The following ADGB variants were observed in gnomAD, a reference collection of about 807,000 sequenced individuals.
The protein encoded by ADGB is calpain-7-like protein.
In ADGB, 172 loss-of-function variants were observed where a neutral mutation model predicts 210.5. That is an observed-to-expected ratio of 0.82 (90% CI 0.72 to 0.93). The LOEUF (loss-of-function observed/expected upper bound fraction) is 0.93. ADGB is among the 40% of genes least tolerant of loss of function. The pLI, the probability that ADGB is intolerant of heterozygous loss-of-function variation, is 0.00. For missense variants in ADGB, 2,025 were observed against 1,964.8 expected, an observed-to-expected ratio of 1.03 and a Z score of -0.58; for synonymous variants, 658 against 662.7, an observed-to-expected ratio of 0.99 and a Z score of 0.11.
At chr6:146,733,753 A>C in intron 21 of ADGB, 140 bp from the exon 22 acceptor site, 1 of 907,702 alleles carries the variant, frequency 1.1e-6, no homozygotes, top group Non-Finnish European at 1.7e-6. Flanking sequence ...AACCACCTAG[A>C]GCCGGCAATA....
intron 1 of ADGB, among the ~76,000 whole-genome samples, chr6:146,614,512 C>A (rs1427081412): frequency 6.6e-6 from 1 of 152,142 alleles, no homozygotes; most frequent in Non-Finnish European, 1.5e-5. Flanking sequence ...TAAACGGAAT[C>A]AAACCCATGT....
At chr6:146,715,672 C>T (rs919640997) in intron 14 of ADGB, among the ~76,000 whole-genome samples, 3 of 152,090 alleles carry the variant, frequency 2.0e-5, no homozygotes, top group Non-Finnish European at 4.4e-5. Flanking sequence ...ACCCTGTGAT[C>T]GAAACACTAA....
chr6:146,657,720 C>A (rs1027233262), intron 5 of ADGB, among the ~76,000 whole-genome samples: 1 of 152,168 alleles, frequency 6.6e-6, no homozygotes, highest in African/African-American at 2.4e-5. Context: ...GCCCATGGTC[C>A]AGTCCTCTTC....
chr6:146,752,460 C>T (rs1777337003), intron 26 of ADGB, 70 bp from the exon 27 acceptor site: 2 of 1,381,510 alleles, frequency 1.4e-6, no homozygotes, highest in Non-Finnish European at 1.9e-6. Context: ...TATATCCAAA[C>T]TATCTCACTT....
intron 1 of ADGB, among the ~76,000 whole-genome samples, chr6:146,609,590 T>C (rs780521821): frequency 2.4e-4 from 37 of 152,316 alleles, no homozygotes; most frequent in South Asian, 4.1e-4. Flanking sequence ...CAACAGTCTT[T>C]CATTTCCATA....
chr6:146,643,724 T>C (rs1386617156), intron 2 of ADGB, among the ~76,000 whole-genome samples: 2 of 151,912 alleles, frequency 1.3e-5, no homozygotes, highest in African/African-American at 2.4e-5. Context: ...CACAGCAGCT[T>C]TATTGGTAAT....
Position 146,741,200 on chromosome 6 carries a change from A to G in ADGB, c.3106A>G (p.Asn1036Asp). 6.4e-7 allele frequency: 1 copy of G among 1,550,930 alleles called. No homozygotes were observed. Among genetic ancestry groups the G allele is most frequent in the South Asian group, 1.2e-5 (1 of 84,030 alleles). The change falls in exon 25 of 36, where the codon AAT becomes GAT. Residue 1036 changes from asparagine (N) to aspartate (D), a missense_variant. By Grantham distance (23) the Asn-to-Asp change is conservative. Coordinates refer to ENST00000397944, the MANE Select transcript of ADGB (RefSeq NM_024694.4). ...TLPICILHIV[N>D]NDTMEQVPKV... Reference sequence around the variant, plus strand: ...TCCAATCTGTATCCTACACATTGTTAATAATGACACAATGGAGCAAGTGCC... The same window carrying G: ...TCCAATCTGTATCCTACACATTGTTGATAATGACACAATGGAGCAAGTGCC...
At chr6:146,681,387 G>A (rs1018195647) in intron 9 of ADGB, among the ~76,000 whole-genome samples, 1 of 152,220 alleles carries the variant, frequency 6.6e-6, no homozygotes, top group African/African-American at 2.4e-5. Flanking sequence ...ACCAGATCTA[G>A]GCTTCCTGTA....
At chr6:146,601,891 A>G (rs916389426) in intron 1 of ADGB, among the ~76,000 whole-genome samples, 19 of 152,192 alleles carry the variant, frequency 1.2e-4, no homozygotes, top group African/African-American at 4.3e-4. Context: ...TTTGTTATCC[A>G]CCTTGGTTTT....
chr6:146,684,882 A>G (rs1776201214), intron 9 of ADGB, among the ~76,000 whole-genome samples: 1 of 151,952 alleles, frequency 6.6e-6, no homozygotes, highest in Non-Finnish European at 1.5e-5. Context: ...GAAATGTACA[A>G]ATTTCAATTT....
At chr6:146,610,129 G>A (rs1298518031) in intron 1 of ADGB, among the ~76,000 whole-genome samples, 1 of 152,122 alleles carries the variant, frequency 6.6e-6, no homozygotes, top group Non-Finnish European at 1.5e-5. Flanking sequence ...TGTCTATTCT[G>A]CTGTTAATAT....
intron 1 of ADGB, among the ~76,000 whole-genome samples, chr6:146,621,122 A>G (rs1456768497): frequency 2.0e-5 from 3 of 152,144 alleles, no homozygotes; most frequent in African/African-American, 4.8e-5. Context: ...ACCCATAACT[A>G]TATTGCATCC....
At chr6:146,798,345 T>C (rs1323557285) in intron 33 of ADGB, among the ~76,000 whole-genome samples, 1 of 152,144 alleles carries the variant, frequency 6.6e-6, no homozygotes, top group East Asian at 1.9e-4. Context: ...TACAAACATA[T>C]ATAAAAATAA....
chr6:146,624,090 T>C (rs1343442159), intron 1 of ADGB, among the ~76,000 whole-genome samples: 1 of 151,884 alleles, frequency 6.6e-6, no homozygotes. Flanking sequence ...GCCCATGGAA[T>C]GAATAAGGAA....
At chr6:146,641,333 G>T (rs4896878) in intron 2 of ADGB, among the ~76,000 whole-genome samples, 44,393 of 151,700 alleles carry the variant, frequency 0.29, 7,472 homozygotes, top group Admixed American at 0.4. Context: ...CCAAAGCAAT[G>T]TACAGATTCA....
chr6:146,632,250 C>T (rs1781076449), intron 1 of ADGB, among the ~76,000 whole-genome samples: 1 of 152,188 alleles, frequency 6.6e-6, no homozygotes, highest in Non-Finnish European at 1.5e-5. Flanking sequence ...GCTTCTGGAA[C>T]TTGACCACAT....
At chr6:146,660,035 A>G (rs1399643516) in intron 5 of ADGB, among the ~76,000 whole-genome samples, 1 of 152,148 alleles carries the variant, frequency 6.6e-6, no homozygotes, top group African/African-American at 2.4e-5. Context: ...CCACAATGTT[A>G]TTCTAGAATT....
At chr6:146,741,003 C>A (rs1777156554) in intron 24 of ADGB, 115 bp from the exon 25 acceptor site, 2 of 698,990 alleles carry the variant, frequency 2.9e-6, no homozygotes, top group Non-Finnish European at 2.2e-6. Context: ...AATATGTGTG[C>A]CTTTTAGTTA....
chr6:146,688,186 T>C (rs1776258136), intron 10 of ADGB, among the ~76,000 whole-genome samples: 1 of 151,910 alleles, frequency 6.6e-6, no homozygotes, highest in Admixed American at 6.6e-5. Flanking sequence ...ACTGCAATAA[T>C]ACAATTAGAA....
Sources: gnomAD v4.1 joint callset for allele counts (sites outside exome capture counted in the v4.1 genomes callset) on GRCh38, gnomAD v4.1.1 for gene constraint, MANE v1.5 for transcripts, NCBI Gene and HGNC (gene_info 2026-07-23, HGNC 2026-07-21) for gene names.